Variants in SLC6A11 observed in about 807,000 individuals in gnomAD.
SLC6A11 encodes sodium- and chloride-dependent GABA transporter 3.
In SLC6A11, 25 loss-of-function variants were observed where a neutral mutation model predicts 74.8. That is an observed-to-expected ratio of 0.33 (90% CI 0.24 to 0.47). The LOEUF is 0.47. SLC6A11 is among the 20% of genes least tolerant of loss of function. The pLI is 1.00. For synonymous variants in SLC6A11, 330 were observed against 330.2 expected (o/e 1.00, Z 0.01); for missense variants, 574 against 837.0 (o/e 0.69, Z 3.88).
intron 6 of SLC6A11, among the ~76,000 whole-genome samples, chr3:10,908,254 G>C: frequency 6.6e-6 from 1 of 152,186 alleles, no homozygotes; most frequent in East Asian, 1.9e-4. Flanking sequence ...AGATTGACTT[G>C]TAAGTATTAA....
Position 10,902,795 on chromosome 3 carries a change from C to T in SLC6A11, c.892-9295C>T, listed in dbSNP as rs79877594. Among the ~76,000 whole-genome samples the T allele has an allele frequency of 4.6e-5, 7 of 152,288 alleles. No individual in the cohort carries two copies. The East Asian group carries it at 9.7e-4, about 21-fold the overall frequency. On this transcript the variant is annotated intron_variant, in intron 6 of 13. Transcript: ENST00000254488. ...TGCCTTCTTCCAAGTGGGCCAGATT[C>T]CTGGGGCAATTAGGAGATTCATTTG...
intron 5 of SLC6A11, among the ~76,000 whole-genome samples, chr3:10,856,857 C>CT: frequency 6.6e-6 from 1 of 152,324 alleles, no homozygotes; most frequent in African/African-American, 2.4e-5. Flanking sequence ...CACAGGCCTT[C>CT]TTTTCCTCTG....
intron 6 of SLC6A11, among the ~76,000 whole-genome samples, chr3:10,910,442 A>T (rs1695371464): frequency 6.6e-6 from 1 of 152,164 alleles, no homozygotes; most frequent in Non-Finnish European, 1.5e-5. Flanking sequence ...GAACGAGGAA[A>T]ACAGGAAGAG....
At chr3:10,890,318 A>G (rs1433110073) in intron 6 of SLC6A11, among the ~76,000 whole-genome samples, 1 of 152,200 alleles carries the variant, frequency 6.6e-6, no homozygotes, top group Non-Finnish European at 1.5e-5. Flanking sequence ...CGTTCCTAAG[A>G]ATGAAACAGC....
At chr3:10,861,577 A>T (rs1694703642) in intron 5 of SLC6A11, among the ~76,000 whole-genome samples, 1 of 152,206 alleles carries the variant, frequency 6.6e-6, no homozygotes, top group Admixed American at 6.5e-5. Flanking sequence ...GACTTAAAAA[A>T]ATCATGGAGA....
chr3:10,937,743 T>G (rs1695774994), intron 13 of SLC6A11, among the ~76,000 whole-genome samples: 1 of 152,162 alleles, frequency 6.6e-6, no homozygotes. Context: ...TGCTTCTACC[T>G]TTGAGCACAG....
chr3:10,916,766 G>C (rs1163584892), intron 7 of SLC6A11, among the ~76,000 whole-genome samples: 4 of 152,160 alleles, frequency 2.6e-5, no homozygotes, highest in African/African-American at 7.2e-5. Context: ...AAAATGATTT[G>C]ATCTAGCGCA....
intron 4 of SLC6A11, 85 bp from the exon 5 acceptor site, chr3:10,844,129 G>C: frequency 6.5e-7 from 1 of 1,533,488 alleles, no homozygotes; most frequent in Non-Finnish European, 8.9e-7. Context: ...GAGCACATGG[G>C]CCCATCCCTG....
rs1258047260 is a variant in SLC6A11, at chr3:10,926,929, G to A, written c.1233+813G>A. Among the ~76,000 whole-genome samples the A allele has an allele frequency of 1.3e-5, 2 of 152,026 alleles. No homozygotes were observed. Among genetic ancestry groups the A allele is most frequent in the African/African-American group, 4.8e-5 (2 of 41,390 alleles). On this transcript the variant is annotated intron_variant, in intron 9 of 13. Transcript: ENST00000254488. The surrounding 1 kb of genome is among the most constrained non-coding windows in gnomAD (Gnocchi z 5.7). ...AACTTCCCCCAGCCACAGCCTCCCCGCCTCGGAGACTGGGGTCTCTTGGCC... is the reference window on the plus strand; with the variant it reads ...AACTTCCCCCAGCCACAGCCTCCCCACCTCGGAGACTGGGGTCTCTTGGCC...
At chr3:10,818,442 G>A (rs1694093111) in intron 1 of SLC6A11, among the ~76,000 whole-genome samples, 1 of 152,050 alleles carries the variant, frequency 6.6e-6, no homozygotes, top group Admixed American at 6.6e-5. Flanking sequence ...CATCCTTACT[G>A]CCCTCCTTTG....
chr3:10,894,498 T>C (rs923797693), intron 6 of SLC6A11, among the ~76,000 whole-genome samples: 2 of 152,162 alleles, frequency 1.3e-5, no homozygotes, highest in Non-Finnish European at 2.9e-5. Flanking sequence ...ATGATGGCAG[T>C]CCACTGGGAA....
chr3:10,884,770 G>A (rs563477331), intron 6 of SLC6A11, among the ~76,000 whole-genome samples: 16 of 152,268 alleles, frequency 1.1e-4, no homozygotes, highest in Non-Finnish European at 2.9e-5. Flanking sequence ...TCTTCTCTGT[G>A]GTAACCTTGT....
chr3:10,918,582 C>T lies in SLC6A11; in HGVS notation c.1120+129C>T. The T allele has an allele frequency of 2.1e-6, 2 of 962,460 alleles. No homozygotes were observed. Among genetic ancestry groups the T allele is most frequent in the Admixed American group, 3.7e-5 (1 of 27,318 alleles). 59.6% of individuals were successfully genotyped at this position (962,460 alleles called of 1,614,324 possible). On this transcript the variant is annotated intron_variant, in intron 8 of 13. Coordinates refer to ENST00000254488, the MANE Select transcript of SLC6A11 (RefSeq NM_014229.3). This position sits in a 1 kb window ranked among gnomAD's most constrained non-coding sequence, Gnocchi z 4.5. ...TTCAGGCCTCAGAAAGGGGCCCCAC[C>T]ATTCATCCACAATCCAGGATCCTGG... is the stretch of plus-strand genomic sequence containing the variant.
chr3:10,852,601 A>G (rs1694590142), intron 5 of SLC6A11, among the ~76,000 whole-genome samples: 1 of 152,200 alleles, frequency 6.6e-6, no homozygotes, highest in Non-Finnish European at 1.5e-5. Context: ...GAAGGCCAGG[A>G]GTCCCAGTGG....
At chr3:10,937,788 C>A (rs572615009) in intron 13 of SLC6A11, among the ~76,000 whole-genome samples, 6 of 152,196 alleles carry the variant, frequency 3.9e-5, no homozygotes, top group Non-Finnish European at 2.9e-5. Context: ...ACACCTTCCC[C>A]GACATGATGG....
intron 10 of SLC6A11, among the ~76,000 whole-genome samples, chr3:10,931,270 T>C (rs1236965010): frequency 1.3e-5 from 2 of 152,176 alleles, no homozygotes; most frequent in African/African-American, 4.8e-5. Context: ...AATTGTACCA[T>C]GAAGGACCAA....
At position 10,885,598 on chromosome 3, in the gene SLC6A11, A is replaced by C. The variant is rs1297561131; in HGVS notation, c.891+10503A>C. On this transcript the variant is annotated intron_variant, in intron 6 of 13. Coordinates refer to ENST00000254488, the MANE Select transcript of SLC6A11 (RefSeq NM_014229.3). ...CAATGCACAGGACAGCCCCCATGAT[A>C]AAAAAAAAAAAAAAAAATCAGGTCC... Among the ~76,000 whole-genome samples the C allele has an allele frequency of 0.026, 1,440 of 55,304 alleles. 74 individuals are homozygous for C. The East Asian group carries it at 0.26, about 10-fold the overall frequency. The allele number at this position is 55,304 out of a possible 152,430, so 36.3% of individuals were successfully genotyped here. A position where few individuals can be genotyped will look rare whatever the true frequency, so the allele number is the denominator to read the frequency against.
Position 10,845,193 on chromosome 3 carries a change from C to T in SLC6A11, c.756+847C>T, listed in dbSNP as rs971236620. Among the ~76,000 whole-genome samples the T allele has an allele frequency of 8.5e-5, 13 of 152,176 alleles. 1 individual carries two copies. The highest frequency in any genetic ancestry group is 2.0e-4 in the Admixed American group (3 of 15,272). ...GTGGTAAAAAGAAATCTGATTCTGG[C>T]ATCCCTTGGAAAGTAAGATTTGGCA... On this transcript the variant is annotated intron_variant, in intron 5 of 13. Coordinates refer to ENST00000254488, the MANE Select transcript of SLC6A11 (RefSeq NM_014229.3).
At position 10,870,805 on chromosome 3, in the gene SLC6A11, CT is replaced by C. The variant is rs547335392; in HGVS notation, c.757-4155del. ...CCACCTTTTGTACCCTGACTCAAGG[CT>C]CTCAAACCTCAGCTTACAAATGATT... On this transcript the variant is annotated intron_variant, in intron 5 of 13. Coordinates refer to ENST00000254488, the MANE Select transcript of SLC6A11 (RefSeq NM_014229.3). 7.2e-5 allele frequency among the ~76,000 whole-genome samples: 11 copies of C among 152,338 alleles called. No individual in the cohort carries two copies. The South Asian group carries it at 2.3e-3, about 32-fold the overall frequency.
Sources: allele counts gnomAD v4.1 joint callset (sites outside exome capture counted in the v4.1 genomes callset), GRCh38; gene constraint gnomAD v4.1.1; non-coding constraint Gnocchi (gnomAD v3.1); transcripts MANE v1.5; gene names NCBI Gene and HGNC (gene_info 2026-07-23, HGNC 2026-07-21).